The following SARAF variants were observed in gnomAD, a reference collection of about 807,000 sequenced individuals.
The protein encoded by SARAF is store-operated calcium entry-associated regulatory factor.
In SARAF, 23 loss-of-function variants were observed where a neutral mutation model predicts 39.7. The ratio of observed to expected loss-of-function variants is 0.58; its 90% confidence interval spans 0.42 to 0.82. The LOEUF is 0.82. Ranked by LOEUF, SARAF falls within the 40% of genes least tolerant of loss-of-function variation. SARAF has a pLI of 0.00. For missense variants in SARAF, 384 were observed against 418.5 expected (o/e 0.92, Z 0.72); for synonymous variants, 175 against 168.5 (o/e 1.04, Z -0.30).
At chr8:30,081,183 A>C (rs1168376436) in intron 1 of SARAF, among the ~76,000 whole-genome samples, 1 of 152,240 alleles carries the variant, frequency 6.6e-6, no homozygotes, top group Non-Finnish European at 1.5e-5. Context: ...TAAACTTTGA[A>C]GTAGAATTTA....
chr8:30,070,802 C>T (rs941493757), intron 2 of SARAF, among the ~76,000 whole-genome samples: 2 of 152,124 alleles, frequency 1.3e-5, no homozygotes, highest in African/African-American at 4.8e-5. Context: ...CACAAAGCAA[C>T]AGAGATATTA....
intron 1 of SARAF, chr8:30,082,123 G>T (rs1802114361): frequency 6.6e-6 from 1 of 152,070 alleles, no homozygotes; most frequent in Admixed American, 6.5e-5. Flanking sequence ...TGGATCACGA[G>T]GTCAGGAGGT....
rs937372193 is a variant in SARAF, at chr8:30,082,998, C to T, written c.-49G>A. The stretch of plus-strand genomic sequence containing the variant: ...GGCTGCCAGACGCCTACGGGCCGAA[C>T]CTGGGTGCGGTAGCGCGCGCGACGC... On this transcript the variant is annotated 5_prime_UTR_variant, in exon 1 of 6. Coordinates refer to ENST00000256255, the MANE Select transcript of SARAF (RefSeq NM_016127.6). 2.1e-6 allele frequency: 3 copies of T among 1,433,066 alleles called. No individual in the cohort carries two copies. The highest frequency in any genetic ancestry group is 1.5e-5 in the African/African-American group (1 of 67,808). 88.8% of individuals were successfully genotyped at this position (1,433,066 alleles called of 1,614,324 possible).
Position 30,063,513 on chromosome 8 carries a change from A to C in SARAF, c.*375T>G. ...TATAGTCTCTATGAGGTAATAACTCATCAGCTACAACCACCTAAAACTGAA... is the reference window on the plus strand; with the variant it reads ...TATAGTCTCTATGAGGTAATAACTCCTCAGCTACAACCACCTAAAACTGAA... On this transcript the variant is annotated 3_prime_UTR_variant, in exon 6 of 6. Coordinates refer to ENST00000256255, the MANE Select transcript of SARAF (RefSeq NM_016127.6). 1.3e-5 allele frequency: 3 copies of C among 239,704 alleles called. No homozygotes were observed. The South Asian group carries it at 2.1e-4, about 17-fold the overall frequency. 14.8% of individuals were successfully genotyped at this position (239,704 alleles called of 1,614,324 possible). A position where few individuals can be genotyped will look rare whatever the true frequency, so the allele number is the denominator to read the frequency against.
intron 5 of SARAF, among the ~76,000 whole-genome samples, chr8:30,065,043 T>C (rs572475384): frequency 6.6e-6 from 1 of 152,322 alleles, no homozygotes; most frequent in South Asian, 2.1e-4. Context: ...TTATATTTGG[T>C]AGATCTATCC....
At chr8:30,064,437 T>A (rs974191597) in intron 5 of SARAF, among the ~76,000 whole-genome samples, 4 of 151,372 alleles carry the variant, frequency 2.6e-5, no homozygotes, top group African/African-American at 9.7e-5. Flanking sequence ...TTTTCTTTCA[T>A]ATAATTCCCA....
chr8:30,066,216 G>A (rs2271367), intron 4 of SARAF, 77 bp from the exon 5 acceptor site: 1,137,391 of 1,420,518 alleles, frequency 0.8, 458,259 homozygotes, highest in Non-Finnish European at 0.82. Context: ...TTCCTAAACT[G>A]TCAGAAAAAA....
intron 1 of SARAF, among the ~76,000 whole-genome samples, chr8:30,081,261 G>C (rs145435173): frequency 1.3e-5 from 2 of 152,348 alleles, no homozygotes; most frequent in East Asian, 3.8e-4. Context: ...TAGTTTTACA[G>C]CGTAGATAAA....
chr8:30,065,568 T>G, intron 5 of SARAF: 1 of 172,348 alleles, frequency 5.8e-6, no homozygotes, highest in South Asian at 1.2e-4. Context: ...CTTTGCTTTT[T>G]ACAAAATATC....
At chr8:30,073,627 G>A (rs537064832) in intron 2 of SARAF, 6 of 382,930 alleles carry the variant, frequency 1.6e-5, no homozygotes, top group Non-Finnish European at 2.4e-5. Context: ...ATAAAAAGTT[G>A]TGAAAATTTA....
chr8:30,073,363 T>C (rs369653772), intron 2 of SARAF, among the ~76,000 whole-genome samples: 16 of 152,244 alleles, frequency 1.1e-4, no homozygotes, highest in African/African-American at 3.6e-4. Flanking sequence ...TCTGCTCGTA[T>C]ACAAAACACC....
At position 30,074,030 on chromosome 8, in the gene SARAF, T is replaced by G. The variant is rs1164049757; in HGVS notation, c.129A>C (p.Lys43Asn). The G allele has an allele frequency of 6.2e-7, 1 of 1,613,540 alleles. No individual in the cohort carries two copies. The highest frequency in any genetic ancestry group is 8.5e-7 in the Non-Finnish European group (1 of 1,179,754). The change falls in exon 2 of 6, where the codon AAA (lysine) becomes AAC (asparagine). Residue 43 changes from lysine (K) to asparagine (N), a missense_variant. Coordinates refer to ENST00000256255, the MANE Select transcript of SARAF (RefSeq NM_016127.6). ...DPDRMLLRDV[K>N]ALTLHYDRYT... ...AGCGGTCATAGTGGAGGGTAAGAGC[T>G]TTTACATCCCGCAGCAACATTCTGT...
chr8:30,066,057 G>A lies in SARAF; in HGVS notation c.925C>T (p.Pro309Ser). Reference sequence around the variant, plus strand: ...TAGCTGCCCGAGCCTCCATGAAGGGGTGAGTAAGCCCTATTCCACGTGCCA... The same window carrying A: ...TAGCTGCCCGAGCCTCCATGAAGGGATGAGTAAGCCCTATTCCACGTGCCA... ...YPGTWNRAYS[P>S]LHGGSGSYSV... is the part of the protein sequence containing the mutation. Residue 309 changes from proline (P) to serine (S), a missense_variant, in exon 5 of 6, where the codon CCC becomes TCC. Pro to Ser is a moderately conservative substitution (Grantham distance 74, BLOSUM62 -1). Transcript: ENST00000256255. 6.2e-7 allele frequency: 1 copy of A among 1,614,176 alleles called. No homozygotes were observed. Among genetic ancestry groups the A allele is most frequent in the Non-Finnish European group, 8.5e-7 (1 of 1,180,028 alleles).
At chr8:30,074,242 C>T (rs900987784) in intron 1 of SARAF, among the ~76,000 whole-genome samples, 187 bp from the exon 2 acceptor site, 1 of 152,216 alleles carries the variant, frequency 6.6e-6, no homozygotes, top group Non-Finnish European at 1.5e-5. Context: ...ATTCAGGTCA[C>T]ACTTTTAAGA....
At chr8:30,074,593 C>T (rs1801917104) in intron 1 of SARAF, among the ~76,000 whole-genome samples, 1 of 152,094 alleles carries the variant, frequency 6.6e-6, no homozygotes, top group African/African-American at 2.4e-5. Context: ...GACAGCTTTA[C>T]ATAAACCTTT....
In SARAF at chr8:30,066,103, C is replaced by T. The variant is rs746773860; in HGVS notation, c.879G>A (p.Pro293=). Residue 293 remains proline, a synonymous_variant, in exon 5 of 6, where the codon CCG becomes CCA. Transcript: ENST00000256255. ...TGCCAGGGTAGGAGGGAGGATAGGA[C>T]GGGTAGTACCACGAGTCTGAGAAGG... ...ATPFSDSWYY[P]SYPPSYPGTW... The T allele has an allele frequency of 5.0e-6, 8 of 1,613,914 alleles. No individual in the cohort carries two copies. Among genetic ancestry groups the T allele is most frequent in the East Asian group, 2.2e-5 (1 of 44,888 alleles).
intron 1 of SARAF, among the ~76,000 whole-genome samples, chr8:30,075,718 G>A (rs1801943206): frequency 6.6e-6 from 1 of 152,036 alleles, no homozygotes. Context: ...CTACCATTTT[G>A]TGAGTACCCA....
intron 2 of SARAF, among the ~76,000 whole-genome samples, chr8:30,070,612 C>A: frequency 6.6e-6 from 1 of 152,254 alleles, no homozygotes; most frequent in Non-Finnish European, 1.5e-5. Flanking sequence ...CTATTCTTTA[C>A]ATATACATGT....
Position 30,082,872 on chromosome 8 carries a change from G to C in SARAF, c.78C>G (p.Gly26=), listed in dbSNP as rs1432122887. The C allele has an allele frequency of 6.4e-7, 1 of 1,556,350 alleles. No homozygotes were observed. Among genetic ancestry groups the C allele is most frequent in the Middle Eastern group, 2.0e-4 (1 of 4,942 alleles). ...LGLHLFLLTA[G]PALGWNDPDR... Reference sequence around the variant, plus strand: ...CAGGGTCGTTCCAGCCCAGGGCAGGGCCCGCGGTCAGCAGAAACAAATGCA... The same window carrying C: ...CAGGGTCGTTCCAGCCCAGGGCAGGCCCCGCGGTCAGCAGAAACAAATGCA... The change falls in exon 1 of 6, where the codon GGC becomes GGG. Residue 26 remains glycine (G), a synonymous_variant. Coordinates refer to ENST00000256255, the MANE Select transcript of SARAF (RefSeq NM_016127.6).
Sources: gnomAD v4.1 joint callset for allele counts (sites outside exome capture counted in the v4.1 genomes callset) on GRCh38, gnomAD v4.1.1 for gene constraint, MANE v1.5 for transcripts, NCBI Gene and HGNC (gene_info 2026-07-23, HGNC 2026-07-21) for gene names.